The following DHRS3 variants were observed in gnomAD, a reference collection of about 807,000 sequenced individuals.
The protein encoded by DHRS3 is short-chain dehydrogenase/reductase 3.
DHRS3 carries 14 observed loss-of-function variants against 27.2 expected under a neutral mutation model. That is an observed-to-expected ratio of 0.52 (90% CI 0.34 to 0.81). The LOEUF is 0.81. DHRS3 is among the 30% of genes least tolerant of loss of function. The pLI, the probability that DHRS3 is intolerant of heterozygous loss-of-function variation, is 0.01. For synonymous variants in DHRS3, 165 were observed against 175.9 expected (o/e 0.94, Z 0.49); for missense variants, 322 against 406.2 (o/e 0.79, Z 1.78).
At position 12,574,255 on chromosome 1, in the gene DHRS3, C is replaced by T. The variant is rs1275619452; in HGVS notation, c.699-1402G>A. Among the ~76,000 whole-genome samples the T allele has an allele frequency of 1.3e-5, 2 of 152,164 alleles. No homozygotes were observed. The highest frequency in any genetic ancestry group is 2.1e-4 in the South Asian group (1 of 4,824). On this transcript the variant is annotated intron_variant, in intron 4 of 5. Transcript: ENST00000616661. This position sits in a 1 kb window ranked among gnomAD's most constrained non-coding sequence, Gnocchi z 4.6. ...ACGTGATCACAGCTCACTGCAGCCT[C>T]GACCTCCCTGGGCTCAAGTAATCCT...
Position 12,586,221 on chromosome 1 carries a change from C to T in DHRS3, c.196-5555G>A, listed in dbSNP as rs1191048459. Among the ~76,000 whole-genome samples, 2 of 152,346 alleles carry T rather than the reference C, an allele frequency of 1.3e-5. No individual in the cohort carries two copies. Among genetic ancestry groups the T allele is most frequent in the African/African-American group, 4.8e-5 (2 of 41,572 alleles). On this transcript the variant is annotated intron_variant, in intron 1 of 5. Coordinates refer to ENST00000616661, the MANE Select transcript of DHRS3 (RefSeq NM_004753.7). The surrounding 1 kb of genome is among the most constrained non-coding windows in gnomAD (Gnocchi z 5.0). ...TGAAGGCTGTCATTATCCGTGGTCA[C>T]AGTGGAGAAAACCGTAGCTCAAAGG...
chr1:12,610,104 A>C (rs1314350743), intron 1 of DHRS3, among the ~76,000 whole-genome samples: 1 of 152,020 alleles, frequency 6.6e-6, no homozygotes, highest in Non-Finnish European at 1.5e-5. Flanking sequence ...TTTGAGACAG[A>C]GTCTCCCACT....
intron 1 of DHRS3, among the ~76,000 whole-genome samples, chr1:12,582,839 C>CTCCATCCATCCA (rs1191707118): frequency 1.4e-5 from 2 of 143,188 alleles, no homozygotes; most frequent in South Asian, 2.3e-4. Flanking sequence ...GTCTACCCAA[C>CTCCATCCATCCA]TCCATCCATC....
chr1:12,604,653 T>A (rs534816734), intron 1 of DHRS3, among the ~76,000 whole-genome samples: 1 of 152,274 alleles, frequency 6.6e-6, no homozygotes, highest in South Asian at 2.1e-4. Flanking sequence ...CTGAGATTAT[T>A]TGTTGCAGTG....
In DHRS3 at chr1:12,586,786, C is replaced by T. The variant is rs1437694128; in HGVS notation, c.196-6120G>A. Among the ~76,000 whole-genome samples the T allele has an allele frequency of 6.6e-6, 1 of 152,168 alleles. No homozygotes were observed. Among genetic ancestry groups the T allele is most frequent in the Non-Finnish European group, 1.5e-5 (1 of 68,024 alleles). On this transcript the variant is annotated intron_variant, in intron 1 of 5. Coordinates refer to ENST00000616661, the MANE Select transcript of DHRS3 (RefSeq NM_004753.7). The surrounding 1 kb of genome is among the most constrained non-coding windows in gnomAD (Gnocchi z 5.0). The stretch of plus-strand genomic sequence containing the variant: ...ATTTGAACCAAGGTCATGTCCAGCT[C>T]CACAGGCTGTGGGGATTGCACCACC...
intron 4 of DHRS3, among the ~76,000 whole-genome samples, chr1:12,575,204 G>C (rs1194392361): frequency 6.6e-6 from 1 of 152,108 alleles, no homozygotes; most frequent in Non-Finnish European, 1.5e-5. Context: ...TCAGGTGCCT[G>C]TAATCCCAGC....
chr1:12,577,233 C>G lies in DHRS3; in HGVS notation c.698+1485G>C, dbSNP rs1442970580. On this transcript the variant is annotated intron_variant, in intron 4 of 5. Coordinates refer to ENST00000616661, the MANE Select transcript of DHRS3 (RefSeq NM_004753.7). ...TTCATTCATCGATGACGTCATGCCCCTACATAACTGCACATCATTAAAGCG... is the reference window on the plus strand; with the variant it reads ...TTCATTCATCGATGACGTCATGCCCGTACATAACTGCACATCATTAAAGCG... 2.0e-5 allele frequency among the ~76,000 whole-genome samples: 3 copies of G among 152,254 alleles called. No individual in the cohort carries two copies. The East Asian group carries it at 5.8e-4, about 29-fold the overall frequency.
chr1:12,615,438 T>A (rs1334731930), intron 1 of DHRS3, among the ~76,000 whole-genome samples: 1 of 152,176 alleles, frequency 6.6e-6, no homozygotes, highest in Admixed American at 6.5e-5. Flanking sequence ...TGGTTCCCGG[T>A]GCGTGAACTT....
At chr1:12,572,187 A>G (rs1646543574) in intron 5 of DHRS3, among the ~76,000 whole-genome samples, 1 of 152,124 alleles carries the variant, frequency 6.6e-6, no homozygotes, top group South Asian at 2.1e-4. Context: ...TTCTTTTTTG[A>G]GATGGAGTCT....
At chr1:12,598,952 C>T in intron 1 of DHRS3, among the ~76,000 whole-genome samples, 1 of 152,160 alleles carries the variant, frequency 6.6e-6, no homozygotes, top group African/African-American at 2.4e-5. Flanking sequence ...TCAGCATCTC[C>T]CTCATACTCC....
chr1:12,617,016 T>G, intron 1 of DHRS3, 138 bp downstream of exon 1: 1 of 1,099,586 alleles, frequency 9.1e-7, no homozygotes, highest in Non-Finnish European at 1.3e-6. Context: ...ACCGACTAGC[T>G]CAGCACTCGT....
intron 2 of DHRS3, 123 bp from the exon 3 acceptor site, chr1:12,579,535 G>A: frequency 7.1e-7 from 1 of 1,406,766 alleles, no homozygotes; most frequent in Non-Finnish European, 9.4e-7. Context: ...GAGTGCAGTG[G>A]CACCATCTCG....
At chr1:12,579,094 G>A (rs1347067767) in intron 3 of DHRS3, 138 bp from the exon 4 acceptor site, 2 of 1,237,878 alleles carry the variant, frequency 1.6e-6, no homozygotes, top group Non-Finnish European at 2.3e-6. Context: ...GAGGGCCGAG[G>A]GCTCCCTGCC....
Position 12,600,686 on chromosome 1 carries a change from A to G in DHRS3, c.195+16468T>C, listed in dbSNP as rs555376740. ...CTCACCAACCACCTTGGAAGGACCC[A>G]ATATCATCTCTGTTCTGCTCCCCTG... is the stretch of plus-strand genomic sequence containing the variant. On this transcript the variant is annotated intron_variant, in intron 1 of 5. Coordinates refer to ENST00000616661, the MANE Select transcript of DHRS3 (RefSeq NM_004753.7). Among the ~76,000 whole-genome samples the G allele has an allele frequency of 4.6e-4, 70 of 152,272 alleles. 1 individual carries two copies. Among genetic ancestry groups the G allele is most frequent in the African/African-American group, 1.6e-3 (65 of 41,554 alleles).
intron 1 of DHRS3, among the ~76,000 whole-genome samples, chr1:12,599,619 C>G (rs1646822139): frequency 6.6e-6 from 1 of 151,928 alleles, no homozygotes. Flanking sequence ...CACTTTTGTT[C>G]TGGCCAGGCC....
Position 12,586,274 on chromosome 1 carries a change from A to G in DHRS3, c.196-5608T>C, listed in dbSNP as rs1490856908. ...TTAAGTAACTCACCCCACGCCACCCACTGTGAAACAGGATTTGAACCCAGA... is the reference window on the plus strand; with the variant it reads ...TTAAGTAACTCACCCCACGCCACCCGCTGTGAAACAGGATTTGAACCCAGA... On this transcript the variant is annotated intron_variant, in intron 1 of 5. Transcript: ENST00000616661. This position sits in a 1 kb window ranked among gnomAD's most constrained non-coding sequence, Gnocchi z 5.0. Among the ~76,000 whole-genome samples, 1 of 152,186 alleles carries G rather than the reference A, an allele frequency of 6.6e-6. No individual in the cohort carries two copies. The highest frequency in any genetic ancestry group is 2.4e-5 in the African/African-American group (1 of 41,450).
At chr1:12,598,876 C>T (rs1373042064) in intron 1 of DHRS3, among the ~76,000 whole-genome samples, 1 of 152,192 alleles carries the variant, frequency 6.6e-6, no homozygotes. Flanking sequence ...CCCCTCAGAG[C>T]TGCTAGCAGA....
Position 12,568,229 on chromosome 1 carries a change from G to T in DHRS3, c.*111C>A. 1 of 1,034,660 alleles carries T rather than the reference G, an allele frequency of 9.7e-7. No homozygotes were observed. Among genetic ancestry groups the T allele is most frequent in the Non-Finnish European group, 1.5e-6 (1 of 667,276 alleles). The allele number at this position is 1,034,660 out of a possible 1,614,324, so 64.1% of individuals were successfully genotyped here. ...GCCGGATTCTTCGCTGGGGACAGGAGCTGTCCTGCTCACCCAGCAGAAGCA... is the reference window on the plus strand; with the variant it reads ...GCCGGATTCTTCGCTGGGGACAGGATCTGTCCTGCTCACCCAGCAGAAGCA... On this transcript the variant is annotated 3_prime_UTR_variant, in exon 6 of 6. Coordinates refer to ENST00000616661, the MANE Select transcript of DHRS3 (RefSeq NM_004753.7).
chr1:12,606,486 A>C (rs1646872339), intron 1 of DHRS3, among the ~76,000 whole-genome samples: 1 of 151,814 alleles, frequency 6.6e-6, no homozygotes, highest in Non-Finnish European at 1.5e-5. Context: ...ATTTTATTTT[A>C]TTTTATTTAT....
Sources: gnomAD v4.1 joint callset for allele counts (sites outside exome capture counted in the v4.1 genomes callset) on GRCh38, gnomAD v4.1.1 for gene constraint, Gnocchi (gnomAD v3.1) non-coding constraint, MANE v1.5 for transcripts, NCBI Gene and HGNC (gene_info 2026-07-23, HGNC 2026-07-21) for gene names.